ST8SIA6: variants seen among roughly 807,000 people sequenced by gnomAD.
The protein encoded by ST8SIA6 is alpha-2,8-sialyltransferase 8F.
A neutral mutation model predicts 33.6 loss-of-function variants in ST8SIA6; 39 were observed. The observed-to-expected ratio is 1.16, with a 90% CI of 0.90 to 1.52. The LOEUF (loss-of-function observed/expected upper bound fraction) is 1.52, where lower values mean the gene tolerates loss of function less well. ST8SIA6 is among the 40% of genes most tolerant of loss of function. The probability of loss-of-function intolerance (pLI) is 0.00; values close to 1 mark genes in which losing one functional copy is unlikely to be tolerated. For missense variants in ST8SIA6, 441 were observed against 443.8 expected (o/e 0.99, Z 0.06); for synonymous variants, 172 against 167.2 (o/e 1.03, Z -0.22).
intron 3 of ST8SIA6, among the ~76,000 whole-genome samples, chr10:17,376,668 C>T (rs555809070): frequency 1.3e-5 from 2 of 152,020 alleles, no homozygotes; most frequent in African/African-American, 4.8e-5. Flanking sequence ...AAAATACAGG[C>T]AAGAAAGATT....
rs142551167 is a variant in ST8SIA6 at position 17,327,126 on chromosome 10, A to T, written c.523T>A (p.Ser175Thr). The change falls in exon 6 of 8, where the codon TCC becomes ACC. Residue 175 changes from serine to threonine, a missense_variant and splice_region_variant. By Grantham distance (58) the Ser-to-Thr change is moderately conservative (BLOSUM62 1). Transcript: ENST00000377602. ...KKNIFHMFPVSQPFVDYPYNQ... is the reference protein window; with the variant it reads ...KKNIFHMFPVTQPFVDYPYNQ... Reference sequence around the variant, plus strand: ...TAAGGGTAGTCCACAAAAGGCTGGGACTAGCAGGAGAAAGTGGAAAACTAC... The same window carrying T: ...TAAGGGTAGTCCACAAAAGGCTGGGTCTAGCAGGAGAAAGTGGAAAACTAC... The T allele has an allele frequency of 6.3e-7, 1 of 1,593,374 alleles. No individual in the cohort carries two copies. Among genetic ancestry groups the T allele is most frequent in the Non-Finnish European group, 8.5e-7 (1 of 1,172,264 alleles).
chr10:17,362,872 C>T lies in ST8SIA6; in HGVS notation c.291-3272G>A, dbSNP rs557964142. On this transcript the variant is annotated intron_variant, in intron 3 of 7. Coordinates refer to ENST00000377602, the MANE Select transcript of ST8SIA6 (RefSeq NM_001004470.3). ...GATTACAGGCGCGCGTCCCCATGTC[C>T]GGCTAATTTTTGTATTTTTAATAGA... is the stretch of plus-strand genomic sequence containing the variant. Among the ~76,000 whole-genome samples the T allele has an allele frequency of 8.6e-5, 13 of 152,016 alleles. No individual in the cohort carries two copies. In the South Asian group the frequency reaches 1.7e-3, roughly 19 times the overall value.
intron 3 of ST8SIA6, among the ~76,000 whole-genome samples, chr10:17,387,453 G>A (rs28366899): frequency 4.4e-5 from 6 of 136,958 alleles, no homozygotes; most frequent in Admixed American, 7.1e-5. Flanking sequence ...GGGGCGGGGG[G>A]GGGGGGGTTC....
At chr10:17,350,766 G>C (rs1849005384) in intron 4 of ST8SIA6, among the ~76,000 whole-genome samples, 1 of 152,044 alleles carries the variant, frequency 6.6e-6, no homozygotes, top group African/African-American at 2.4e-5. Flanking sequence ...TCTGTAGTCT[G>C]TGTGATCATC....
intron 2 of ST8SIA6, among the ~76,000 whole-genome samples, chr10:17,452,434 A>T (rs1361003240): frequency 1.3e-5 from 2 of 152,250 alleles, no homozygotes; most frequent in Non-Finnish European, 2.9e-5. Context: ...AAGAGACCGT[A>T]TAGCAGATTG....
At chr10:17,431,624 A>C (rs1852104159) in intron 2 of ST8SIA6, among the ~76,000 whole-genome samples, 1 of 152,268 alleles carries the variant, frequency 6.6e-6, no homozygotes, top group Non-Finnish European at 1.5e-5. Flanking sequence ...TCTGTCCTAA[A>C]AACAACCCTG....
chr10:17,424,470 C>T (rs535050981), intron 2 of ST8SIA6, among the ~76,000 whole-genome samples: 2 of 152,108 alleles, frequency 1.3e-5, no homozygotes, highest in Admixed American at 6.5e-5. Context: ...CCTGCCTGTG[C>T]CCCCACACAG....
rs1847739643 is a variant in ST8SIA6 at position 17,315,458 on chromosome 10, C to A, written c.*5420G>T. ...ATACCTTTATTTGTAATAGCCAAAA[C>A]CAGGAGATAGTAAAATGTTCATCAA... On this transcript the variant is annotated 3_prime_UTR_variant, in exon 8 of 8. Coordinates refer to ENST00000377602, the MANE Select transcript of ST8SIA6 (RefSeq NM_001004470.3). Among the ~76,000 whole-genome samples the A allele has an allele frequency of 6.6e-6, 1 of 151,858 alleles. No homozygotes were observed. Among genetic ancestry groups the A allele is most frequent in the Non-Finnish European group, 1.5e-5 (1 of 67,824 alleles).
chr10:17,339,931 A>G (rs1848620334), intron 4 of ST8SIA6, among the ~76,000 whole-genome samples: 2 of 152,230 alleles, frequency 1.3e-5, no homozygotes, highest in Non-Finnish European at 2.9e-5. Context: ...TAAATCAAGC[A>G]TTGTCTCTGC....
Position 17,323,057 on chromosome 10 carries a change from C to T in ST8SIA6, c.728+8G>A. ...TCCTGATCAGTTATGTAACTTGCAG[C>T]TACTTACTTCAGAGTTATGATGCTT... On this transcript the variant is annotated splice_region_variant and intron_variant, in intron 7 of 7. Coordinates refer to ENST00000377602, the MANE Select transcript of ST8SIA6 (RefSeq NM_001004470.3). The T allele has an allele frequency of 6.2e-7, 1 of 1,606,534 alleles. No individual in the cohort carries two copies. Among genetic ancestry groups the T allele is most frequent in the Non-Finnish European group, 8.5e-7 (1 of 1,175,334 alleles).
At chr10:17,400,088 C>T (rs1850980774) in intron 2 of ST8SIA6, among the ~76,000 whole-genome samples, 1 of 152,078 alleles carries the variant, frequency 6.6e-6, no homozygotes, top group South Asian at 2.1e-4. Flanking sequence ...AAAGAACTGG[C>T]AAAGTGAGGG....
chr10:17,329,755 A>C (rs536612786), intron 5 of ST8SIA6, among the ~76,000 whole-genome samples: 27 of 152,352 alleles, frequency 1.8e-4, no homozygotes, highest in African/African-American at 6.3e-4. Flanking sequence ...TCTCATGTTC[A>C]GTATGAATTT....
At chr10:17,353,967 G>A (rs1453526574) in intron 4 of ST8SIA6, among the ~76,000 whole-genome samples, 1 of 152,248 alleles carries the variant, frequency 6.6e-6, no homozygotes, top group Non-Finnish European at 1.5e-5. Context: ...AGAAATTAAG[G>A]ACTGTTACTG....
intron 2 of ST8SIA6, 27 bp downstream of exon 2, chr10:17,453,532 G>T: frequency 7.8e-7 from 1 of 1,280,102 alleles, no homozygotes. Context: ...CCGAGCCCCA[G>T]TCCGCCCGCG....
intron 4 of ST8SIA6, among the ~76,000 whole-genome samples, chr10:17,353,524 T>C (rs561110775): frequency 1.3e-5 from 2 of 152,278 alleles, no homozygotes; most frequent in African/African-American, 4.8e-5. Context: ...ATTTTAGAAA[T>C]ATCAATTAAT....
intron 5 of ST8SIA6, 98 bp downstream of exon 5, chr10:17,331,310 T>C (rs45528945): frequency 0.01 from 14,699 of 1,419,264 alleles, 107 homozygotes; most frequent in Non-Finnish European, 0.011. Context: ...AATATGGTAT[T>C]TTAATTGAGT....
At chr10:17,421,730 T>C (rs1851785630) in intron 2 of ST8SIA6, among the ~76,000 whole-genome samples, 1 of 151,734 alleles carries the variant, frequency 6.6e-6, no homozygotes, top group Non-Finnish European at 1.5e-5. Context: ...GCCCTTCTAA[T>C]TTAAAAAAAA....
chr10:17,442,651 A>G (rs1852541791), intron 2 of ST8SIA6, among the ~76,000 whole-genome samples: 1 of 152,330 alleles, frequency 6.6e-6, no homozygotes, highest in African/African-American at 2.4e-5. Flanking sequence ...CTAAGTACAA[A>G]TATCATAAGA....
At chr10:17,325,217 T>C (rs1443996628) in intron 6 of ST8SIA6, among the ~76,000 whole-genome samples, 1 of 142,784 alleles carries the variant, frequency 7.0e-6, no homozygotes. Context: ...CATATAATAC[T>C]GTATTATATA....
Sources: allele counts gnomAD v4.1 joint callset (sites outside exome capture counted in the v4.1 genomes callset), GRCh38; gene constraint gnomAD v4.1.1; transcripts MANE v1.5; gene names NCBI Gene and HGNC (gene_info 2026-07-23, HGNC 2026-07-21).